The following MYRFL variants were observed in gnomAD, a reference collection of about 807,000 sequenced individuals.
MYRFL encodes the protein myelin regulatory factor-like protein.
A neutral mutation model predicts 109.4 loss-of-function variants in MYRFL; 88 were observed. That is an observed-to-expected ratio of 0.80 (90% CI 0.68 to 0.96). The LOEUF is 0.96. Among genes scored for constraint, MYRFL ranks in the 40% least tolerant of loss-of-function variants. The pLI, the probability that MYRFL is intolerant of heterozygous loss-of-function variation, is 0.00. For missense variants in MYRFL, 957 were observed against 954.9 expected, an observed-to-expected ratio of 1.00 and a Z score of -0.03; for synonymous variants, 324 against 320.9, an observed-to-expected ratio of 1.01 and a Z score of -0.10.
At chr12:69,847,212 C>A (rs1883612083) in intron 1 of MYRFL, among the ~76,000 whole-genome samples, 1 of 152,038 alleles carries the variant, frequency 6.6e-6, no homozygotes, top group African/African-American at 2.4e-5. Flanking sequence ...CATTTCAAGG[C>A]CCTTTTGTTG....
At chr12:69,827,400 A>G (rs554983077) in intron 1 of MYRFL, among the ~76,000 whole-genome samples, 21 of 152,044 alleles carry the variant, frequency 1.4e-4, no homozygotes, top group African/African-American at 4.6e-4. Context: ...CAGGAAAATG[A>G]CAAGGGTGGT....
Position 69,949,286 on chromosome 12 carries a change from T to A in MYRFL, c.2225-2827T>A, listed in dbSNP as rs563496710. The stretch of plus-strand genomic sequence containing the variant: ...CTGCCAAAACTTCATAAAGTTATTT[T>A]GTTAGGTGTACTTAGCGACCCACTA... On this transcript the variant is annotated intron_variant, in intron 19 of 24. Coordinates refer to ENST00000552032, the MANE Select transcript of MYRFL (RefSeq NM_182530.3). Among the ~76,000 whole-genome samples the A allele has an allele frequency of 4.1e-4, 63 of 152,312 alleles. No individual in the cohort carries two copies. The South Asian group carries it at 0.013, about 31-fold the overall frequency.
Position 69,958,889 on chromosome 12 carries a change from G to A in MYRFL, c.*358G>A. On this transcript the variant is annotated 3_prime_UTR_variant, in exon 25 of 25. Coordinates refer to ENST00000552032, the MANE Select transcript of MYRFL (RefSeq NM_182530.3). ...TGTTTTAATGTATTTTAAAGCTTTTGAAAAAACCAAAAGGGCCATGTCGAC... is the reference window on the plus strand; with the variant it reads ...TGTTTTAATGTATTTTAAAGCTTTTAAAAAAACCAAAAGGGCCATGTCGAC... 5.3e-6 allele frequency: 1 copy of A among 190,198 alleles called. No homozygotes were observed. The highest frequency in any genetic ancestry group is 1.6e-4 in the East Asian group (1 of 6,338). 11.8% of individuals were successfully genotyped at this position (190,198 alleles called of 1,614,324 possible).
At chr12:69,930,198 T>G (rs916087279) in intron 15 of MYRFL, among the ~76,000 whole-genome samples, 1 of 151,688 alleles carries the variant, frequency 6.6e-6, no homozygotes, top group Non-Finnish European at 1.5e-5. Flanking sequence ...TATTCTGGGG[T>G]AGGGTGGGGG....
intron 1 of MYRFL, among the ~76,000 whole-genome samples, chr12:69,848,598 C>G (rs1486356840): frequency 6.6e-6 from 1 of 151,782 alleles, no homozygotes; most frequent in Non-Finnish European, 1.5e-5. Flanking sequence ...GTGGTGGTCT[C>G]CTTATTGAAG....
chr12:69,845,372 C>T (rs1883466104), intron 1 of MYRFL, among the ~76,000 whole-genome samples: 1 of 152,128 alleles, frequency 6.6e-6, no homozygotes, highest in East Asian at 1.9e-4. Context: ...ATGAAGATGT[C>T]TTGTCCATCC....
At chr12:69,938,908 T>C (rs1955551065) in intron 19 of MYRFL, among the ~76,000 whole-genome samples, 1 of 152,138 alleles carries the variant, frequency 6.6e-6, no homozygotes, top group Non-Finnish European at 1.5e-5. Context: ...GAGTTCCCTT[T>C]CCTAATCAAA....
At chr12:69,922,892 A>G (rs1436394273) in intron 13 of MYRFL, among the ~76,000 whole-genome samples, 2 of 152,192 alleles carry the variant, frequency 1.3e-5, no homozygotes, top group Non-Finnish European at 2.9e-5. Context: ...GTGATACTCT[A>G]TCATTTCTTC....
chr12:69,890,929 G>C, intron 6 of MYRFL, 42 bp from the exon 7 acceptor site: 1 of 1,366,984 alleles, frequency 7.3e-7, no homozygotes, highest in Non-Finnish European at 9.5e-7. Context: ...TAAATATATG[G>C]AAACATTTGT....
At position 69,936,542 on chromosome 12, in the gene MYRFL, T is replaced by A. The variant is rs1208785859; in HGVS notation, c.2134T>A (p.Cys712Ser). The change falls in exon 19 of 25, where the codon TGC becomes AGC. Residue 712 changes from cysteine to serine, a missense_variant. By Grantham distance (112) the Cys-to-Ser change is moderately radical (BLOSUM62 -1). Coordinates refer to ENST00000552032, the MANE Select transcript of MYRFL (RefSeq NM_182530.3). The stretch of plus-strand genomic sequence containing the variant: ...AATCCTGCCGTGTCAGGAGACTTAT[T>A]GCTGCCCCATCCGGGGAATGAAAGA... ...CEILPCQETY[C>S]CPIRGMKEVS... The A allele has an allele frequency of 6.5e-7, 1 of 1,536,186 alleles. No homozygotes were observed. Among genetic ancestry groups the A allele is most frequent in the South Asian group, 1.2e-5 (1 of 84,060 alleles).
chr12:69,897,312 T>A, intron 10 of MYRFL, 66 bp downstream of exon 10: 1 of 1,120,792 alleles, frequency 8.9e-7, no homozygotes, highest in South Asian at 1.3e-5. Flanking sequence ...AGAATTTGAA[T>A]TTTCAATGGT....
chr12:69,920,574 C>A (rs1001800173), intron 13 of MYRFL, among the ~76,000 whole-genome samples: 9 of 151,970 alleles, frequency 5.9e-5, no homozygotes, highest in Non-Finnish European at 1.2e-4. Context: ...CCAGGTGAGC[C>A]CACTCTCTAG....
intron 1 of MYRFL, among the ~76,000 whole-genome samples, chr12:69,838,346 C>T (rs981303614): frequency 6.6e-6 from 1 of 152,096 alleles, no homozygotes; most frequent in Non-Finnish European, 1.5e-5. Flanking sequence ...CCTCTGCCTC[C>T]TCCTCTTCTC....
chr12:69,875,323 ATTTAG>A (rs1470702126), intron 2 of MYRFL, among the ~76,000 whole-genome samples: 1 of 151,578 alleles, frequency 6.6e-6, no homozygotes, highest in Non-Finnish European at 1.5e-5. Flanking sequence ...TAGAATTTCT[ATTTAG>A]TTTTTTTATT....
chr12:69,860,213 T>C (rs1884558089), intron 2 of MYRFL, among the ~76,000 whole-genome samples: 1 of 152,230 alleles, frequency 6.6e-6, no homozygotes. Flanking sequence ...TGGTTTTCCA[T>C]TTCTGCATTA....
At chr12:69,958,129 A>T (rs1956134395) in intron 23 of MYRFL, 120 bp from the exon 24 acceptor site, 1 of 1,181,672 alleles carries the variant, frequency 8.5e-7, no homozygotes. Context: ...ACACCCATCA[A>T]AAGCTGTGAT....
At chr12:69,943,116 T>C (rs1955716659) in intron 19 of MYRFL, among the ~76,000 whole-genome samples, 1 of 151,550 alleles carries the variant, frequency 6.6e-6, no homozygotes, top group South Asian at 2.1e-4. Flanking sequence ...CCCAGGGTAA[T>C]TTACAGATTC....
chr12:69,957,743 C>T (rs1359022304), intron 22 of MYRFL, 79 bp from the exon 23 acceptor site: 2 of 1,432,120 alleles, frequency 1.4e-6, no homozygotes, highest in East Asian at 5.1e-5. Context: ...CCATTAGATC[C>T]TCCTCTTATC....
At chr12:69,870,325 G>T (rs117010840) in intron 2 of MYRFL, among the ~76,000 whole-genome samples, 4,737 of 146,258 alleles carry the variant, frequency 0.032, 91 homozygotes, top group Middle Eastern at 0.077. Flanking sequence ...TGATCCACCC[G>T]CCTCGGCCTC....
Sources: allele counts gnomAD v4.1 joint callset (sites outside exome capture counted in the v4.1 genomes callset), GRCh38; gene constraint gnomAD v4.1.1; transcripts MANE v1.5; gene names NCBI Gene and HGNC (gene_info 2026-07-23, HGNC 2026-07-21).